The following SLC4A10 variants were observed in gnomAD, a reference collection of about 807,000 sequenced individuals.
The protein encoded by SLC4A10 is sodium-driven chloride bicarbonate exchanger.
Under a neutral mutation model 137.7 loss-of-function variants are expected in SLC4A10, and 42 were observed. The observed-to-expected ratio is 0.30, with a 90% CI of 0.24 to 0.39. The LOEUF (loss-of-function observed/expected upper bound fraction) is 0.39. Ranked by LOEUF, SLC4A10 falls within the 10% of genes least tolerant of loss-of-function variation. SLC4A10 has a pLI of 1.00. For missense variants in SLC4A10, 925 were observed against 1,355.0 expected, an observed-to-expected ratio of 0.68 and a Z score of 4.98; for synonymous variants, 474 against 464.1, an observed-to-expected ratio of 1.02 and a Z score of -0.27.
intron 1 of SLC4A10, among the ~76,000 whole-genome samples, chr2:161,690,178 A>G (rs1169839005): frequency 6.6e-6 from 1 of 152,224 alleles, no homozygotes; most frequent in Admixed American, 6.5e-5. Flanking sequence ...TATGTGGCCA[A>G]TAAACATATA....
At chr2:161,654,508 T>C (rs181135305) in intron 1 of SLC4A10, among the ~76,000 whole-genome samples, 2 of 152,306 alleles carry the variant, frequency 1.3e-5, no homozygotes, top group African/African-American at 2.4e-5. Flanking sequence ...TAGGAGTTTG[T>C]TTCCAGTCTT....
intron 1 of SLC4A10, among the ~76,000 whole-genome samples, chr2:161,665,041 A>G (rs1384164675): frequency 2.6e-5 from 4 of 151,820 alleles, no homozygotes; most frequent in African/African-American, 9.7e-5. Context: ...GTTAGTTCAG[A>G]GATTGAAGAA....
chr2:161,831,783 T>C (rs2058450901), intron 3 of SLC4A10, among the ~76,000 whole-genome samples: 1 of 152,152 alleles, frequency 6.6e-6, no homozygotes, highest in Non-Finnish European at 1.5e-5. Flanking sequence ...AGGAAGGTGG[T>C]GAAAAGGTTC....
intron 16 of SLC4A10, among the ~76,000 whole-genome samples, chr2:161,944,635 G>A (rs941466199): frequency 1.5e-4 from 22 of 151,450 alleles, no homozygotes; most frequent in Non-Finnish European, 3.1e-4. Context: ...TGTACTAGGT[G>A]TTAACATTTG....
Position 161,965,149 on chromosome 2 carries a change from G to A in SLC4A10, c.3135G>A (p.Lys1045=). The change falls in exon 23 of 27, where the codon AAG becomes AAA. Residue 1045 remains lysine, a synonymous_variant. Transcript: ENST00000446997. ...ATTTGATGCCCGAGAGTAAGAAAAA[G>A]AAACTGGAAGATGCTGAAAAAGAAG... ...LDDLMPESKK[K]KLEDAEKEEE... 1 of 1,610,528 alleles carries A rather than the reference G, an allele frequency of 6.2e-7. No individual in the cohort carries two copies. Among genetic ancestry groups the A allele is most frequent in the Non-Finnish European group, 8.5e-7 (1 of 1,177,888 alleles).
At chr2:161,872,459 T>G (rs540288859) in intron 7 of SLC4A10, 75 bp downstream of exon 7, 43 of 1,130,364 alleles carry the variant, frequency 3.8e-5, no homozygotes, top group African/African-American at 6.2e-5. Flanking sequence ...TAAGAGGTGT[T>G]GACACAATAT....
chr2:161,672,402 G>C (rs1396948130), intron 1 of SLC4A10, among the ~76,000 whole-genome samples: 1 of 152,062 alleles, frequency 6.6e-6, no homozygotes, highest in Non-Finnish European at 1.5e-5. Context: ...CCTGCCTCCT[G>C]ACTTTTTCAA....
chr2:161,736,105 GA>G (rs1217584138), intron 1 of SLC4A10, among the ~76,000 whole-genome samples: 2 of 151,876 alleles, frequency 1.3e-5, no homozygotes, highest in Admixed American at 6.6e-5. Flanking sequence ...TTTTTATAAA[GA>G]ATTTTTATTA....
intron 3 of SLC4A10, among the ~76,000 whole-genome samples, chr2:161,808,509 T>C (rs1452418309): frequency 1.3e-5 from 2 of 152,248 alleles, no homozygotes; most frequent in East Asian, 3.9e-4. Flanking sequence ...GGGATATGGA[T>C]GGTCCTATCA....
In SLC4A10 at chr2:161,882,445, G is replaced by T; in HGVS notation, c.1194+1G>T. On this transcript the variant is annotated splice_donor_variant, in intron 10 of 26. Transcript: ENST00000446997. LOFTEE classifies it high-confidence loss of function. Reference sequence around the variant, plus strand: ...AATTGCAACCCTAATGACAGATGAGGTATTTATTCAAGTTCTTTGGGAACA... The same window carrying T: ...AATTGCAACCCTAATGACAGATGAGTTATTTATTCAAGTTCTTTGGGAACA... 6.4e-7 allele frequency: 1 copy of T among 1,566,864 alleles called. No homozygotes were observed.
chr2:161,921,103 G>A (rs1559537876), intron 15 of SLC4A10, among the ~76,000 whole-genome samples: 1 of 152,190 alleles, frequency 6.6e-6, no homozygotes, highest in East Asian at 1.9e-4. Flanking sequence ...AAGAGAAGAA[G>A]TAACAGAGTG....
chr2:161,816,905 G>A (rs2057129744), intron 3 of SLC4A10, among the ~76,000 whole-genome samples: 1 of 152,114 alleles, frequency 6.6e-6, no homozygotes. Context: ...TTGGTTCCAA[G>A]TCTTTGCTAT....
rs574633753 is a variant in SLC4A10 at position 161,662,675 on chromosome 2, A to G, written c.48+38109A>G. ...AACTTCACTCACAGCAGGATCTTTGAAAGTCATATGCATATATTTATAAAT... is the reference window on the plus strand; with the variant it reads ...AACTTCACTCACAGCAGGATCTTTGGAAGTCATATGCATATATTTATAAAT... On this transcript the variant is annotated intron_variant, in intron 1 of 26. Coordinates refer to ENST00000446997, the MANE Select transcript of SLC4A10 (RefSeq NM_001178015.2). Among the ~76,000 whole-genome samples, 3 of 152,260 alleles carry G rather than the reference A, an allele frequency of 2.0e-5. No homozygotes were observed. In the South Asian group the frequency reaches 6.2e-4, roughly 32 times the overall value.
At chr2:161,784,994 G>A (rs141169768) in intron 2 of SLC4A10, among the ~76,000 whole-genome samples, 33 of 150,930 alleles carry the variant, frequency 2.2e-4, no homozygotes, top group African/African-American at 3.6e-4. Context: ...CAAACCTTTG[G>A]CTAGACTTAG....
rs551702052 is a variant in SLC4A10, at chr2:161,924,561, T to TA, written c.1998-18230dup. 4.2e-3 allele frequency among the ~76,000 whole-genome samples: 644 copies of TA among 152,320 alleles called. 2 individuals carry two copies. Among genetic ancestry groups the TA allele is most frequent in the African/African-American group, 0.015 (617 of 41,592 alleles). Reference sequence around the variant, plus strand: ...TTTGAATTTATTTATTTATGTCATATATAAATCTTGTATATTAAAAACATA... The same window carrying TA: ...TTTGAATTTATTTATTTATGTCATATAATAAATCTTGTATATTAAAAACATA... On this transcript the variant is annotated intron_variant, in intron 15 of 26. Transcript: ENST00000446997.
At chr2:161,813,374 G>A (rs1559307246) in intron 3 of SLC4A10, among the ~76,000 whole-genome samples, 1 of 152,030 alleles carries the variant, frequency 6.6e-6, no homozygotes. Context: ...TCTGCCAGGG[G>A]CAGCATAGTT....
chr2:161,963,166 T>C (rs1697014140), intron 21 of SLC4A10, among the ~76,000 whole-genome samples: 1 of 152,016 alleles, frequency 6.6e-6, no homozygotes, highest in African/African-American at 2.4e-5. Flanking sequence ...GTAAATAAAA[T>C]GTGATTAAAG....
intron 4 of SLC4A10, among the ~76,000 whole-genome samples, chr2:161,847,306 AAC>A (rs2059566362): frequency 6.6e-6 from 1 of 151,196 alleles, no homozygotes; most frequent in Non-Finnish European, 1.5e-5. Flanking sequence ...CACACACAGC[AAC>A]ACACAGAGCC....
At chr2:161,948,306 G>A (rs1694192576) in intron 17 of SLC4A10, among the ~76,000 whole-genome samples, 2 of 152,132 alleles carry the variant, frequency 1.3e-5, no homozygotes, top group Non-Finnish European at 2.9e-5. Flanking sequence ...ACAAGCTTCT[G>A]AGGGATGAGC....
Sources: allele counts gnomAD v4.1 joint callset (sites outside exome capture counted in the v4.1 genomes callset), GRCh38; gene constraint gnomAD v4.1.1; transcripts MANE v1.5; gene names NCBI Gene and HGNC (gene_info 2026-07-23, HGNC 2026-07-21).